Variants in PAK5 observed in about 807,000 individuals in gnomAD.
PAK5 encodes the protein p21 (RAC1) activated kinase 5.
PAK5 carries 16 observed loss-of-function variants against 65.9 expected under a neutral mutation model. That is an observed-to-expected ratio of 0.24 (90% confidence interval 0.16 to 0.37). The LOEUF (loss-of-function observed/expected upper bound fraction) is 0.37. Among genes scored for constraint, PAK5 ranks in the 10% least tolerant of loss-of-function variants. PAK5 has a pLI of 1.00. For synonymous variants in PAK5, 371 were observed against 354.9 expected (o/e 1.05, Z -0.51); for missense variants, 785 against 903.9 (o/e 0.87, Z 1.69).
chr20:9,622,227 G>A (rs977095785), intron 3 of PAK5, among the ~76,000 whole-genome samples: 3 of 151,990 alleles, frequency 2.0e-5, no homozygotes, highest in African/African-American at 7.3e-5. Flanking sequence ...GGTAATGCTA[G>A]GCAAGACTTT....
intron 4 of PAK5, among the ~76,000 whole-genome samples, chr20:9,577,056 A>G (rs542104282): frequency 9.2e-5 from 14 of 152,362 alleles, no homozygotes; most frequent in African/African-American, 3.4e-4. Context: ...CTTCCGTGGA[A>G]GGCAGATTTG....
chr20:9,773,317 C>T (rs571182316), intron 1 of PAK5, among the ~76,000 whole-genome samples: 12 of 152,130 alleles, frequency 7.9e-5, no homozygotes, highest in Admixed American at 2.6e-4. Flanking sequence ...TATACATGTG[C>T]CATGTTGATG....
intron 1 of PAK5, among the ~76,000 whole-genome samples, chr20:9,765,942 G>A (rs2048752058): frequency 6.6e-6 from 1 of 152,068 alleles, no homozygotes; most frequent in Non-Finnish European, 1.5e-5. Context: ...AAGTAGAATG[G>A]GCTGGGCGTG....
intron 1 of PAK5, among the ~76,000 whole-genome samples, chr20:9,798,992 G>A (rs576328664): frequency 6.6e-6 from 1 of 152,238 alleles, no homozygotes; most frequent in Admixed American, 6.5e-5. Flanking sequence ...TCTAGGGAGA[G>A]CTTTGCATAA....
chr20:9,824,200 C>CA (rs1458456351), intron 1 of PAK5, among the ~76,000 whole-genome samples: 4 of 152,020 alleles, frequency 2.6e-5, no homozygotes, highest in Admixed American at 1.3e-4. Flanking sequence ...TAGACAGTTT[C>CA]AAAAAAATCC....
chr20:9,719,258 G>A (rs2048186533), intron 1 of PAK5, among the ~76,000 whole-genome samples: 1 of 152,206 alleles, frequency 6.6e-6, no homozygotes, highest in South Asian at 2.1e-4. Flanking sequence ...AATTATTTAT[G>A]CATTTGTCCA....
chr20:9,823,811 G>A (rs2049452309), intron 1 of PAK5, among the ~76,000 whole-genome samples: 1 of 136,272 alleles, frequency 7.3e-6, no homozygotes, highest in South Asian at 2.3e-4. Context: ...CTCAAGGTCT[G>A]TTTCTGGGGG....
At chr20:9,622,706 T>C (rs1411488806) in intron 3 of PAK5, among the ~76,000 whole-genome samples, 1 of 152,154 alleles carries the variant, frequency 6.6e-6, no homozygotes, top group African/African-American at 2.4e-5. Context: ...GAACCAAGCA[T>C]GTGAGGGATC....
At chr20:9,807,041 T>C (rs980165899) in intron 1 of PAK5, among the ~76,000 whole-genome samples, 1 of 152,148 alleles carries the variant, frequency 6.6e-6, no homozygotes, top group Non-Finnish European at 1.5e-5. Flanking sequence ...TCAGCTTCTG[T>C]CATCACATCT....
chr20:9,819,464 G>A (rs1031013106), intron 1 of PAK5, among the ~76,000 whole-genome samples: 10 of 152,124 alleles, frequency 6.6e-5, no homozygotes. Flanking sequence ...TAGGGCCAAC[G>A]AACCTGTGAC....
At chr20:9,611,447 C>G (rs979952030) in intron 3 of PAK5, among the ~76,000 whole-genome samples, 1 of 152,192 alleles carries the variant, frequency 6.6e-6, no homozygotes, top group African/African-American at 2.4e-5. Flanking sequence ...CTAACCCTAT[C>G]TTTTATATGT....
At chr20:9,802,477 G>A (rs2049180744) in intron 1 of PAK5, among the ~76,000 whole-genome samples, 1 of 152,060 alleles carries the variant, frequency 6.6e-6, no homozygotes, top group Admixed American at 6.6e-5. Flanking sequence ...ATCTTAAAGG[G>A]AACCCCAGAA....
intron 2 of PAK5, among the ~76,000 whole-genome samples, chr20:9,696,119 T>C (rs73242842): frequency 0.016 from 2,379 of 152,194 alleles, 23 homozygotes; most frequent in Middle Eastern, 0.041. Context: ...AACCCAGCCA[T>C]AGACAGTTAC....
At chr20:9,653,502 A>G (rs1451782834) in intron 2 of PAK5, among the ~76,000 whole-genome samples, 1 of 152,152 alleles carries the variant, frequency 6.6e-6, no homozygotes, top group Non-Finnish European at 1.5e-5. Context: ...TTTCCTACAT[A>G]TCTCAATCCT....
At chr20:9,676,863 T>C (rs2047579799) in intron 2 of PAK5, among the ~76,000 whole-genome samples, 1 of 152,234 alleles carries the variant, frequency 6.6e-6, no homozygotes, top group Admixed American at 6.5e-5. Context: ...AATATGCTTA[T>C]GTTTTGTGCA....
chr20:9,718,213 T>G (rs1416127726), intron 1 of PAK5, among the ~76,000 whole-genome samples: 1 of 152,074 alleles, frequency 6.6e-6, no homozygotes, highest in East Asian at 1.9e-4. Context: ...TCTAAAATTC[T>G]ATGGTATATA....
At chr20:9,608,953 T>C (rs986778467) in intron 3 of PAK5, among the ~76,000 whole-genome samples, 4 of 152,178 alleles carry the variant, frequency 2.6e-5, no homozygotes, top group South Asian at 2.1e-4. Context: ...ATCTTCAACA[T>C]GATGAAGAAT....
At chr20:9,641,755 G>C (rs543254776) in intron 3 of PAK5, among the ~76,000 whole-genome samples, 2 of 152,104 alleles carry the variant, frequency 1.3e-5, no homozygotes, top group African/African-American at 2.4e-5. Context: ...GCTAAGGCCC[G>C]GCGAGAAATC....
chr20:9,802,974 G>GA (rs549931019), intron 1 of PAK5, among the ~76,000 whole-genome samples: 8 of 108,608 alleles, frequency 7.4e-5, no homozygotes, highest in Non-Finnish European at 9.2e-5. Context: ...ACAAATTAAA[G>GA]AAAAAAAAAG....
Sources: gnomAD v4.1 joint callset for allele counts (sites outside exome capture counted in the v4.1 genomes callset) on GRCh38, gnomAD v4.1.1 for gene constraint, MANE v1.5 for transcripts, NCBI Gene and HGNC (gene_info 2026-07-23, HGNC 2026-07-21) for gene names.